The following BID variants were observed in gnomAD, a reference collection of about 807,000 sequenced individuals.
BID encodes the protein BH3 interacting domain death agonist.
A neutral mutation model predicts 17.4 loss-of-function variants in BID; 19 were observed. The ratio of observed to expected loss-of-function variants is 1.09; its 90% CI spans 0.76 to 1.60. The LOEUF (loss-of-function observed/expected upper bound fraction) is 1.60. BID is among the 40% of genes most tolerant of loss of function. BID has a pLI of 0.00. For synonymous variants in BID, 108 were observed against 102.8 expected (o/e 1.05, Z -0.31); for missense variants, 226 against 256.0 (o/e 0.88, Z 0.80).
intron 2 of BID, among the ~76,000 whole-genome samples, chr22:17,746,350 T>C (rs2145884203): frequency 6.6e-6 from 1 of 152,040 alleles, no homozygotes; most frequent in East Asian, 1.9e-4. Context: ...TAAAATAAAA[T>C]AAAATAAGGT....
At chr22:17,759,246 C>CAAAAAAAAAAACCA (rs1555906734) in intron 1 of BID, among the ~76,000 whole-genome samples, 6 of 114,788 alleles carry the variant, frequency 5.2e-5, no homozygotes, top group Admixed American at 8.6e-5. Context: ...AAAAACAAAA[C>CAAAAAAAAAAACCA]AAAAAAAAAA....
At chr22:17,746,172 G>T (rs973654764) in intron 2 of BID, among the ~76,000 whole-genome samples, 3 of 151,654 alleles carry the variant, frequency 2.0e-5, no homozygotes, top group African/African-American at 7.3e-5. Flanking sequence ...CTAAACAATG[G>T]GTGCCCATGG....
chr22:17,753,318 G>T (rs913829405), intron 1 of BID, among the ~76,000 whole-genome samples: 2 of 152,226 alleles, frequency 1.3e-5, no homozygotes, highest in African/African-American at 4.8e-5. Context: ...TAACAGAGGG[G>T]CAAGGTGTTG....
chr22:17,756,409 TCTC>T (rs2061584172), intron 1 of BID, among the ~76,000 whole-genome samples: 3 of 20,772 alleles, frequency 1.4e-4, no homozygotes, highest in Non-Finnish European at 3.3e-4. Context: ...TTTTCTTTTT[TCTC>T]TTTCTTTCTT....
At chr22:17,745,390 C>T (rs1251779334) in intron 2 of BID, among the ~76,000 whole-genome samples, 1 of 152,080 alleles carries the variant, frequency 6.6e-6, no homozygotes, top group Non-Finnish European at 1.5e-5. Context: ...TAATGCTTTG[C>T]TAGGTGATGC....
Position 17,773,828 on chromosome 22 carries a change from T to C in BID, c.-59+553A>G. 2.4e-6 allele frequency: 2 copies of C among 827,184 alleles called. No individual in the cohort carries two copies. The highest frequency in any genetic ancestry group is 3.8e-6 in the Non-Finnish European group (2 of 520,906). The allele number at this position is 827,184 out of a possible 1,614,324, so 51.2% of individuals were successfully genotyped here. ...AGCAGCAGCAGCGAGGATCCGCACA[T>C]CATTGCCAGTGCTCTAAGGAGCGGG... On this transcript the variant is annotated intron_variant, in intron 1 of 5. Coordinates refer to ENST00000622694, the MANE Select transcript of BID (RefSeq NM_001196.4). This position sits in a 1 kb window ranked among gnomAD's most constrained non-coding sequence, Gnocchi z 4.4.
intron 1 of BID, among the ~76,000 whole-genome samples, chr22:17,759,103 C>T (rs1240645042): frequency 4.0e-5 from 6 of 151,400 alleles, no homozygotes; most frequent in Non-Finnish European, 8.8e-5. Context: ...TGGTGGCGCA[C>T]ACCTGTAGTC....
At chr22:17,748,914 G>A (rs1310065316) in intron 2 of BID, among the ~76,000 whole-genome samples, 1 of 152,224 alleles carries the variant, frequency 6.6e-6, no homozygotes, top group Non-Finnish European at 1.5e-5. Flanking sequence ...AGGGCCGGGG[G>A]AGCTCCTGCA....
intron 1 of BID, among the ~76,000 whole-genome samples, chr22:17,760,862 T>G (rs989130686): frequency 2.6e-5 from 4 of 152,208 alleles, no homozygotes; most frequent in Admixed American, 1.3e-4. Context: ...TCTGGCCAGA[T>G]GCGTTATTCA....
At chr22:17,738,825 C>T (rs1217828131) in intron 4 of BID, among the ~76,000 whole-genome samples, 3 of 152,170 alleles carry the variant, frequency 2.0e-5, no homozygotes, top group Non-Finnish European at 4.4e-5. Flanking sequence ...TCTCTCCTCT[C>T]AGCTCCTACC....
intron 2 of BID, among the ~76,000 whole-genome samples, chr22:17,745,225 A>G (rs2061487532): frequency 6.6e-6 from 1 of 151,728 alleles, no homozygotes; most frequent in South Asian, 2.1e-4. Flanking sequence ...TAATTTTTGT[A>G]TTTTTAGTAG....
At chr22:17,738,964 G>C (rs1013391653) in intron 4 of BID, among the ~76,000 whole-genome samples, 2 of 152,176 alleles carry the variant, frequency 1.3e-5, no homozygotes, top group African/African-American at 4.8e-5. Context: ...AGAAAGTTGT[G>C]TGGATTCCAA....
At chr22:17,762,859 A>G (rs1481383938) in intron 1 of BID, among the ~76,000 whole-genome samples, 7 of 59,914 alleles carry the variant, frequency 1.2e-4, no homozygotes, top group Admixed American at 1.1e-3. Context: ...TGCTTTGAGG[A>G]AAAAAAACAA....
chr22:17,769,238 A>G lies in BID; in HGVS notation c.-59+5143T>C, dbSNP rs1235081868. The stretch of plus-strand genomic sequence containing the variant: ...CTGGCAGAAACGCCTCCCCTCTCCT[A>G]TGGAGGGGCTGATGACCCAGGAGCG... On this transcript the variant is annotated intron_variant, in intron 1 of 5. Transcript: ENST00000622694. The surrounding 1 kb of genome is among the most constrained non-coding windows in gnomAD (Gnocchi z 4.8). Among the ~76,000 whole-genome samples the G allele has an allele frequency of 2.3e-4, 35 of 152,020 alleles. No homozygotes were observed. Among genetic ancestry groups the G allele is most frequent in the Admixed American group, 1.3e-4 (2 of 15,266 alleles).
At chr22:17,743,293 C>T (rs1222737585) in intron 3 of BID, among the ~76,000 whole-genome samples, 1 of 152,252 alleles carries the variant, frequency 6.6e-6, no homozygotes, top group Non-Finnish European at 1.5e-5. Flanking sequence ...GCAGGGGCCG[C>T]ACCGGTAGTG....
chr22:17,755,855 T>C (rs919654687), intron 1 of BID, among the ~76,000 whole-genome samples: 1 of 151,920 alleles, frequency 6.6e-6, no homozygotes, highest in Admixed American at 6.6e-5. Flanking sequence ...TGATTTCCTT[T>C]TTGGTTTTTT....
chr22:17,762,722 T>C (rs1367410857), intron 1 of BID, among the ~76,000 whole-genome samples: 1 of 151,682 alleles, frequency 6.6e-6, no homozygotes, highest in Non-Finnish European at 1.5e-5. Flanking sequence ...GGCCTATTTT[T>C]AAAATTTCTC....
chr22:17,745,399 G>A (rs2061488769), intron 2 of BID, among the ~76,000 whole-genome samples: 1 of 152,142 alleles, frequency 6.6e-6, no homozygotes, highest in Non-Finnish European at 1.5e-5. Flanking sequence ...GCTAGGTGAT[G>A]CCTGTAATCC....
intron 2 of BID, among the ~76,000 whole-genome samples, chr22:17,748,375 GC>G (rs2061510869): frequency 6.6e-6 from 1 of 151,244 alleles, no homozygotes. Context: ...GGGCGTGGTG[GC>G]GGGCGCCTGT....
Sources: gnomAD v4.1 joint callset for allele counts (sites outside exome capture counted in the v4.1 genomes callset) on GRCh38, gnomAD v4.1.1 for gene constraint, Gnocchi (gnomAD v3.1) non-coding constraint, MANE v1.5 for transcripts, NCBI Gene and HGNC (gene_info 2026-07-23, HGNC 2026-07-21) for gene names.